SLC17A1: variants seen among roughly 807,000 people sequenced by gnomAD.
The protein encoded by SLC17A1 is sodium-dependent phosphate transport protein 1.
A neutral mutation model predicts 53.5 loss-of-function variants in SLC17A1; 51 were observed. The ratio of observed to expected loss-of-function variants is 0.95; its 90% CI spans 0.76 to 1.20. The LOEUF (loss-of-function observed/expected upper bound fraction) is 1.20, where lower values mean the gene tolerates loss of function less well. Among genes scored for constraint, SLC17A1 ranks in the 50% most tolerant of loss-of-function variants. The probability of loss-of-function intolerance (pLI) is 0.00; values close to 1 mark genes in which losing one functional copy is unlikely to be tolerated. For synonymous variants in SLC17A1, 179 were observed against 198.8 expected (o/e 0.90, Z 0.84); for missense variants, 538 against 568.2 (o/e 0.95, Z 0.54).
chr6:25,819,512 T>C lies in SLC17A1; in HGVS notation c.528A>G (p.Ser176=), dbSNP rs1561840237. The C allele has an allele frequency of 1.9e-6, 3 of 1,609,058 alleles. No homozygotes were observed. Among genetic ancestry groups the C allele is most frequent in the Non-Finnish European group, 2.6e-6 (3 of 1,175,378 alleles). ...ERGRLTSMST[S]GFLLGPFIVL... ...ACATTCTAGGCTTTAATTCTTTACC[T>C]GATGTACTCATAGAAGTAAGTCGGC... Residue 176 remains serine, a splice_region_variant and synonymous_variant, in exon 5 of 13, where the codon TCA becomes TCG. Coordinates refer to ENST00000244527, the MANE Select transcript of SLC17A1 (RefSeq NM_005074.5).
the SLC17A1 span, chr6:25,726,486 C>T: frequency 1.2e-5 from 20 of 1,613,100 alleles, no homozygotes; most frequent in African/African-American, 1.1e-4. Context: ...GAGACTTAGA[C>T]TTGGCGCGTG....
the SLC17A1 span, among the ~76,000 whole-genome samples, chr6:25,754,953 C>T: frequency 6.6e-6 from 1 of 151,646 alleles, no homozygotes; most frequent in Admixed American, 6.6e-5. Flanking sequence ...AGGGATGTTG[C>T]ATTAAGAGCC....
At chr6:25,731,676 G>A in the SLC17A1 span, 1 of 742,046 alleles carries the variant, frequency 1.3e-6, no homozygotes. Context: ...CTGGCAACGA[G>A]GCATACTCTA....
chr6:25,788,136 A>T (rs58366507), intron 12 of SLC17A1, among the ~76,000 whole-genome samples: 16,706 of 152,164 alleles, frequency 0.11, 1,739 homozygotes, highest in African/African-American at 0.28. Context: ...AGCCAGACAC[A>T]GCCAGCTTTC....
At chr6:25,727,011 CGT>C in the SLC17A1 span, 1 of 1,614,094 alleles carries the variant, frequency 6.2e-7, no homozygotes, top group East Asian at 2.2e-5. Flanking sequence ...CAAGAGGACC[CGT>C]AAGGAGAGTT....
intron 2 of SLC17A1, among the ~76,000 whole-genome samples, chr6:25,828,563 G>A (rs754186344): frequency 4.0e-5 from 6 of 151,268 alleles, no homozygotes; most frequent in Non-Finnish European, 8.9e-5. Context: ...TAGTGTTGGT[G>A]GTTGCTTTTT....
intron 12 of SLC17A1, among the ~76,000 whole-genome samples, chr6:25,790,402 C>T (rs1269190443): frequency 6.6e-6 from 1 of 152,104 alleles, no homozygotes; most frequent in African/African-American, 2.4e-5. Context: ...AGACAAAGAG[C>T]TTCTATTTTA....
chr6:25,816,577 G>A (rs1269317920), intron 6 of SLC17A1, among the ~76,000 whole-genome samples: 1 of 152,260 alleles, frequency 6.6e-6, no homozygotes, highest in Admixed American at 6.5e-5. Context: ...CCTCTGGCCT[G>A]GGCCTCAGGG....
the SLC17A1 span, chr6:25,770,328 G>A: frequency 2.5e-6 from 4 of 1,613,694 alleles, no homozygotes; most frequent in African/African-American, 1.3e-5. Context: ...AGGTATAAGT[G>A]GAATATAGGT....
intron 3 of SLC17A1, among the ~76,000 whole-genome samples, chr6:25,820,822 C>G (rs1764530087): frequency 6.8e-6 from 1 of 146,978 alleles, no homozygotes; most frequent in South Asian, 2.1e-4. Context: ...TGGCGTGAAC[C>G]TGGGAGGTGG....
At chr6:25,773,287 G>A in the SLC17A1 span, 1 of 1,613,760 alleles carries the variant, frequency 6.2e-7, no homozygotes, top group Non-Finnish European at 8.5e-7. Flanking sequence ...GGAATTGGCT[G>A]TGCTTGTTGT....
At chr6:25,785,312 C>T (rs918131343) in intron 12 of SLC17A1, among the ~76,000 whole-genome samples, 25 of 152,126 alleles carry the variant, frequency 1.6e-4, no homozygotes, top group African/African-American at 5.8e-4. Flanking sequence ...TTTTAAAAAC[C>T]ATCTCAAAAT....
At chr6:25,805,161 A>G (rs1763912072) in intron 10 of SLC17A1, among the ~76,000 whole-genome samples, 1 of 152,120 alleles carries the variant, frequency 6.6e-6, no homozygotes, top group Admixed American at 6.5e-5. Flanking sequence ...AATTTTTTAA[A>G]ATTGATCAAG....
intron 12 of SLC17A1, 133 bp downstream of exon 12, chr6:25,798,650 C>T: frequency 1.4e-6 from 1 of 724,196 alleles, no homozygotes; most frequent in Non-Finnish European, 2.1e-6. Flanking sequence ...GTCTAATATT[C>T]TCAGGCTTAA....
the SLC17A1 span, among the ~76,000 whole-genome samples, chr6:25,758,323 A>T: frequency 6.6e-6 from 1 of 152,210 alleles, no homozygotes; most frequent in African/African-American, 2.4e-5. Flanking sequence ...AACTGTCTCT[A>T]AAAACATTCT....
chr6:25,806,787 G>T (rs1457437268), intron 10 of SLC17A1, among the ~76,000 whole-genome samples: 1 of 151,912 alleles, frequency 6.6e-6, no homozygotes, highest in Non-Finnish European at 1.5e-5. Flanking sequence ...CATTGACAAA[G>T]AACTAATATC....
the SLC17A1 span, chr6:25,727,237 A>G: frequency 3.1e-6 from 5 of 1,613,700 alleles, no homozygotes; most frequent in Non-Finnish European, 3.4e-6. Flanking sequence ...GAGCTGGCTA[A>G]ACATGCTGTG....
At chr6:25,784,054 T>C (rs112669086) in intron 12 of SLC17A1, among the ~76,000 whole-genome samples, 1 of 152,310 alleles carries the variant, frequency 6.6e-6, no homozygotes, top group African/African-American at 2.4e-5. Flanking sequence ...ACACACTATC[T>C]TTCCTTTGTA....
chr6:25,793,680 A>G (rs1264309268), intron 12 of SLC17A1, among the ~76,000 whole-genome samples: 5 of 152,120 alleles, frequency 3.3e-5, no homozygotes, highest in Non-Finnish European at 5.9e-5. Context: ...TACTGTCTGA[A>G]TGAATATTAG....
Sources: allele counts gnomAD v4.1 joint callset (sites outside exome capture counted in the v4.1 genomes callset), GRCh38; gene constraint gnomAD v4.1.1; transcripts MANE v1.5; gene names NCBI Gene and HGNC (gene_info 2026-07-23, HGNC 2026-07-21).